The following ZNF569 variants were observed in gnomAD, a reference collection of about 807,000 sequenced individuals.
The protein encoded by ZNF569 is zinc finger protein 569.
In ZNF569, 38 loss-of-function variants were observed where a neutral mutation model predicts 56.3. The observed-to-expected ratio is 0.68, with a 90% CI of 0.52 to 0.88. ZNF569 has a LOEUF of 0.88. ZNF569 is among the 40% of genes least tolerant of loss of function. The pLI, the probability that ZNF569 is intolerant of heterozygous loss-of-function variation, is 0.00. For synonymous variants in ZNF569, 241 were observed against 262.9 expected (o/e 0.92, Z 0.81); for missense variants, 666 against 809.2 (o/e 0.82, Z 2.15).
intron 1 of ZNF569, among the ~76,000 whole-genome samples, chr19:37,465,699 T>C (rs1600360882): frequency 6.6e-6 from 1 of 152,212 alleles, no homozygotes; most frequent in Non-Finnish European, 1.5e-5. Context: ...CTGCAGATTA[T>C]TGGAACTTTA....
At chr19:37,468,009 A>G (rs1177199050), upstream of ZNF569, 3 of 1,392,206 alleles carry the variant, frequency 2.2e-6, no homozygotes, top group Admixed American at 2.0e-5. Flanking sequence ...ACTTCTAAAC[A>G]GACTTGGCCT....
chr19:37,425,731 C>T (rs1385179580), intron 5 of ZNF569, 137 bp downstream of exon 5: 6 of 686,066 alleles, frequency 8.7e-6, no homozygotes, highest in South Asian at 4.6e-5. Flanking sequence ...TCCCAAAGTG[C>T]TGGGACTATA....
chr19:37,428,340 CAATA>C (rs144050322), intron 3 of ZNF569, among the ~76,000 whole-genome samples: 7,438 of 150,428 alleles, frequency 0.049, 567 homozygotes, highest in African/African-American at 0.17. Flanking sequence ...CTCATCTCTA[CAATA>C]AATGAATGAA....
intron 5 of ZNF569, among the ~76,000 whole-genome samples, chr19:37,418,926 T>C (rs892500626): frequency 3.3e-5 from 5 of 152,234 alleles, no homozygotes; most frequent in Non-Finnish European, 2.9e-5. Context: ...TTACTTCCAA[T>C]AGGAAAATGG....
chr19:37,423,251 A>C lies in ZNF569; in HGVS notation c.238+2617T>G, dbSNP rs118002956. 6.3e-3 allele frequency among the ~76,000 whole-genome samples: 958 copies of C among 152,358 alleles called. 24 individuals are homozygous for C. Among genetic ancestry groups the C allele is most frequent in the East Asian group, 0.052 (272 of 5,182 alleles). The stretch of plus-strand genomic sequence containing the variant: ...TAGGATAGTTATAAAAGGAAAAATG[A>C]AAAGAGTTGTCAAGGAAACTTCCCT... On this transcript the variant is annotated intron_variant, in intron 5 of 5. Transcript: ENST00000316950.
At chr19:37,436,934 T>C (rs1206769795) in intron 3 of ZNF569, among the ~76,000 whole-genome samples, 2 of 140,506 alleles carry the variant, frequency 1.4e-5, no homozygotes, top group African/African-American at 5.3e-5. Context: ...CTATTCCAAA[T>C]AATAGAGGAA....
intron 3 of ZNF569, among the ~76,000 whole-genome samples, chr19:37,428,819 C>T (rs1440320862): frequency 2.6e-5 from 4 of 151,876 alleles, no homozygotes; most frequent in Non-Finnish European, 4.4e-5. Flanking sequence ...GAACTACAGG[C>T]GTGCGCCACC....
At chr19:37,467,918 T>C, upstream of ZNF569, 1 of 1,536,170 alleles carries the variant, frequency 6.5e-7, no homozygotes, top group Non-Finnish European at 8.7e-7. Flanking sequence ...CTTTCTGGAC[T>C]TCTCGATTGT....
chr19:37,467,993 C>G, upstream of ZNF569: 2 of 1,485,594 alleles, frequency 1.3e-6, no homozygotes, highest in Non-Finnish European at 1.8e-6. Flanking sequence ...GTGGCCAGAC[C>G]GCCTGACTTC....
chr19:37,469,048 G>A, upstream of ZNF569: 1 of 993,342 alleles, frequency 1.0e-6, no homozygotes, highest in South Asian at 4.6e-5. Flanking sequence ...CGCGCAGAGC[G>A]CTTGTGCCTG....
At chr19:37,414,528 C>A in intron 5 of ZNF569, 109 bp from the exon 6 acceptor site, 1 of 1,432,584 alleles carries the variant, frequency 7.0e-7, no homozygotes, top group Non-Finnish European at 9.2e-7. Flanking sequence ...GGTTTAAGCC[C>A]TACTCTCCCA....
upstream of ZNF569, chr19:37,467,680 G>T: frequency 3.2e-6 from 2 of 615,936 alleles, no homozygotes; most frequent in Non-Finnish European, 5.8e-6. Context: ...GAGCCTTAAG[G>T]TCCTGACAGC....
chr19:37,467,564 C>T (rs995854910), upstream of ZNF569: 5 of 367,902 alleles, frequency 1.4e-5, no homozygotes, highest in Non-Finnish European at 2.4e-5. Context: ...GAAGGAAGCC[C>T]GGCTCAGTGT....
chr19:37,413,844 A>G lies in ZNF569; in HGVS notation c.814T>C (p.Cys272Arg). ...RIHTGEKPYACKECEKSFSQK... is the reference protein window; with the variant it reads ...RIHTGEKPYARKECEKSFSQK... ...CTGAAGGACTTCTCACATTCCTTAC[A>G]TGCATAGGGCTTCTCTCCAGTATGA... Residue 272 changes from cysteine to arginine, a missense_variant, in exon 6 of 6, where the codon TGT becomes CGT. Physicochemically the swap from Cys to Arg is radical, Grantham distance 180. Transcript: ENST00000316950. 6.2e-7 allele frequency: 1 copy of G among 1,613,642 alleles called. No homozygotes were observed. Among genetic ancestry groups the G allele is most frequent in the Non-Finnish European group, 8.5e-7 (1 of 1,179,948 alleles).
intron 3 of ZNF569, among the ~76,000 whole-genome samples, chr19:37,443,228 C>T (rs1290142295): frequency 6.6e-6 from 1 of 152,146 alleles, no homozygotes; most frequent in Non-Finnish European, 1.5e-5. Flanking sequence ...CGCCTGTAAT[C>T]CCACCTACTC....
intron 3 of ZNF569, among the ~76,000 whole-genome samples, chr19:37,443,407 G>C (rs2041441161): frequency 6.6e-6 from 1 of 152,248 alleles, no homozygotes; most frequent in Non-Finnish European, 1.5e-5. Flanking sequence ...GCAAAGCTTT[G>C]AGCTGAGGGT....
At position 37,413,258 on chromosome 19, in the gene ZNF569, A is replaced by T; in HGVS notation, c.1400T>A (p.Ile467Lys). Residue 467 changes from isoleucine (I) to lysine (K), a missense_variant, in exon 6 of 6, where the codon ATA becomes AAA. By Grantham distance (102) the Ile-to-Lys change is moderately radical. Coordinates refer to ENST00000316950, the MANE Select transcript of ZNF569 (RefSeq NM_152484.3). ...AAAGGCTTTCCCACATTCCTTACAT[A>T]TATAGGGTTTTTCCCCAGTATGAAT... ...QRIHTGEKPY[I>K]CKECGKAFSQ... 1 of 1,611,030 alleles carries T rather than the reference A, an allele frequency of 6.2e-7. No homozygotes were observed. The highest frequency in any genetic ancestry group is 8.5e-7 in the Non-Finnish European group (1 of 1,179,128).
upstream of ZNF569, chr19:37,469,100 G>A: frequency 9.6e-7 from 1 of 1,044,476 alleles, no homozygotes; most frequent in Non-Finnish European, 1.2e-6. Context: ...GCTGGGCCCC[G>A]TCCCTGTGAC....
chr19:37,467,961 G>A (rs1381617053), upstream of ZNF569: 2 of 1,535,766 alleles, frequency 1.3e-6, no homozygotes, highest in East Asian at 4.9e-5. Context: ...TTCATGACCC[G>A]GGATCGTGAG....
Sources: allele counts gnomAD v4.1 joint callset (sites outside exome capture counted in the v4.1 genomes callset), GRCh38; gene constraint gnomAD v4.1.1; transcripts MANE v1.5; gene names NCBI Gene and HGNC (gene_info 2026-07-23, HGNC 2026-07-21).